Variants in ROBO2 observed in about 807,000 individuals in gnomAD.
ROBO2 encodes the protein roundabout guidance receptor 2.
Under a neutral mutation model 160.8 loss-of-function variants are expected in ROBO2, and 53 were observed. The observed-to-expected ratio is 0.33, with a 90% CI of 0.26 to 0.41. The LOEUF (loss-of-function observed/expected upper bound fraction) is 0.41. Among genes scored for constraint, ROBO2 ranks in the 10% least tolerant of loss-of-function variants. The pLI, the probability that ROBO2 is intolerant of heterozygous loss-of-function variation, is 1.00. For synonymous variants in ROBO2, 664 were observed against 611.7 expected, an observed-to-expected ratio of 1.09 and a Z score of -1.26; for missense variants, 1,577 against 1,722.4, an observed-to-expected ratio of 0.92 and a Z score of 1.49.
chr3:77,090,610 TC>T (rs1360199461), intron 1 of ROBO2, among the ~76,000 whole-genome samples: 1 of 151,984 alleles, frequency 6.6e-6, no homozygotes, highest in African/African-American at 2.4e-5. Flanking sequence ...CGCCTCGGCC[TC>T]CCAAAGTGTT....
At chr3:77,597,204 A>G (rs1399455680) in intron 19 of ROBO2, among the ~76,000 whole-genome samples, 1 of 152,110 alleles carries the variant, frequency 6.6e-6, no homozygotes, top group East Asian at 1.9e-4. Flanking sequence ...TTGCCCTCAT[A>G]TAATATGTCA....
intron 2 of ROBO2, among the ~76,000 whole-genome samples, chr3:76,102,601 C>A (rs182923835): frequency 6.6e-6 from 1 of 152,082 alleles, no homozygotes; most frequent in East Asian, 1.9e-4. Context: ...TCTCAGAGGT[C>A]AAGAAAGATA....
chr3:76,205,855 C>G (rs1240797655), intron 2 of ROBO2, among the ~76,000 whole-genome samples: 1 of 152,164 alleles, frequency 6.6e-6, no homozygotes, highest in Non-Finnish European at 1.5e-5. Flanking sequence ...GAAAAGGAAG[C>G]ATTTCAGGGG....
rs900970814 is a variant in ROBO2, at chr3:77,601,236, C to G, written c.2855-974C>G. Among the ~76,000 whole-genome samples, 3 of 152,106 alleles carry G rather than the reference C, an allele frequency of 2.0e-5. No homozygotes were observed. The South Asian group carries it at 6.2e-4, about 32-fold the overall frequency. On this transcript the variant is annotated intron_variant, in intron 19 of 25. Transcript: ENST00000461745. The stretch of plus-strand genomic sequence containing the variant: ...AAAGAATGCAGTGATTTGATGGCCT[C>G]AAGTCCCATGAAATGAAGCTTTCAG...
chr3:76,069,240 C>T (rs1302481425), intron 2 of ROBO2, among the ~76,000 whole-genome samples: 3 of 152,114 alleles, frequency 2.0e-5, no homozygotes, highest in Non-Finnish European at 4.4e-5. Context: ...TGATTTTCTC[C>T]CTAAACCTGG....
Position 76,526,101 on chromosome 3 carries a change from T to G in ROBO2, c.110-571913T>G, listed in dbSNP as rs560978896. Among the ~76,000 whole-genome samples the G allele has an allele frequency of 3.9e-5, 6 of 152,076 alleles. No homozygotes were observed. In the East Asian group the frequency reaches 1.2e-3, roughly 29 times the overall value. On this transcript the variant is annotated intron_variant, in intron 2 of 26. Transcript: ENST00000487694. The stretch of plus-strand genomic sequence containing the variant: ...AGTTCCCACATAGACTTATAAAATG[T>G]TGGTGTTAGGACAAACCTACAAGAT...
At chr3:76,654,054 G>A (rs1575739571) in intron 2 of ROBO2, among the ~76,000 whole-genome samples, 1 of 152,144 alleles carries the variant, frequency 6.6e-6, no homozygotes, top group African/African-American at 2.4e-5. Flanking sequence ...CCATTTATCA[G>A]CCATATTCAG....
chr3:76,654,625 G>C (rs938617286), intron 2 of ROBO2, among the ~76,000 whole-genome samples: 1 of 151,798 alleles, frequency 6.6e-6, no homozygotes, highest in Non-Finnish European at 1.5e-5. Flanking sequence ...GGGGTAATAG[G>C]GACTTTCAAG....
At chr3:76,493,337 T>TTATATATAAATATATATATA (rs2079941909) in intron 2 of ROBO2, among the ~76,000 whole-genome samples, 1 of 104,830 alleles carries the variant, frequency 9.5e-6, no homozygotes. Flanking sequence ...AGACAAAAAA[T>TTATATATAAATATATATATA]TATATATATA....
chr3:77,121,587 CTTAAA>C (rs1397517083), intron 2 of ROBO2, among the ~76,000 whole-genome samples: 1 of 152,032 alleles, frequency 6.6e-6, no homozygotes, highest in East Asian at 1.9e-4. Context: ...GTCTTATTTA[CTTAAA>C]TTAAATAATA....
At chr3:76,645,006 A>T (rs1379228424) in intron 2 of ROBO2, among the ~76,000 whole-genome samples, 1 of 152,236 alleles carries the variant, frequency 6.6e-6, no homozygotes, top group Non-Finnish European at 1.5e-5. Context: ...ATGCCAGGAA[A>T]TTACAGCAAG....
chr3:77,219,968 A>T (rs780130486), intron 2 of ROBO2, among the ~76,000 whole-genome samples: 1 of 151,750 alleles, frequency 6.6e-6, no homozygotes, highest in Non-Finnish European at 1.5e-5. Context: ...GAATTTGTTC[A>T]GAACATGGCT....
intron 2 of ROBO2, among the ~76,000 whole-genome samples, chr3:76,579,432 G>A (rs2108693267): frequency 6.6e-6 from 1 of 151,972 alleles, no homozygotes; most frequent in South Asian, 2.1e-4. Flanking sequence ...TGAAGTCACA[G>A]GACAGTTTTT....
intron 2 of ROBO2, among the ~76,000 whole-genome samples, chr3:76,772,577 A>G (rs1445210954): frequency 6.7e-6 from 1 of 148,294 alleles, no homozygotes; most frequent in Non-Finnish European, 1.5e-5. Context: ...TTTTCTATAC[A>G]CTAATTTTTA....
intron 1 of ROBO2, among the ~76,000 whole-genome samples, chr3:77,085,037 A>C (rs1010415972): frequency 1.3e-5 from 2 of 152,098 alleles, no homozygotes; most frequent in Non-Finnish European, 2.9e-5. Context: ...AAAGCCATCA[A>C]TAGATATCAT....
At chr3:76,260,378 GA>G (rs1302067913) in intron 2 of ROBO2, among the ~76,000 whole-genome samples, 4 of 151,902 alleles carry the variant, frequency 2.6e-5, no homozygotes, top group Non-Finnish European at 1.5e-5. Context: ...AGTCAAAGGA[GA>G]AAAAAAGTTC....
At chr3:77,180,416 C>CTATATATATATATATATATA (rs71104657) in intron 2 of ROBO2, among the ~76,000 whole-genome samples, 35 of 90,702 alleles carry the variant, frequency 3.9e-4, no homozygotes, top group Non-Finnish European at 6.2e-4. Context: ...CTCTCTCTCT[C>CTATATATATATATATATATA]TATATATATA....
intron 2 of ROBO2, among the ~76,000 whole-genome samples, chr3:76,644,676 C>A (rs2090880832): frequency 6.6e-6 from 1 of 152,144 alleles, no homozygotes; most frequent in Non-Finnish European, 1.5e-5. Flanking sequence ...TCCCACCCTA[C>A]AAATGTAATA....
chr3:77,266,151 A>T (rs547471929), intron 2 of ROBO2, among the ~76,000 whole-genome samples: 107 of 152,124 alleles, frequency 7.0e-4, no homozygotes, highest in African/African-American at 1.8e-3. Context: ...GATTTTTTTT[A>T]AAAAACTTTC....
Sources: allele counts gnomAD v4.1 joint callset (sites outside exome capture counted in the v4.1 genomes callset), GRCh38; gene constraint gnomAD v4.1.1; transcripts MANE v1.5; gene names NCBI Gene and HGNC (gene_info 2026-07-23, HGNC 2026-07-21).